The following ADGRL2 variants were observed in gnomAD, a reference collection of about 807,000 sequenced individuals.
ADGRL2 encodes the protein calcium-independent alpha-latrotoxin receptor 2.
In ADGRL2, 44 loss-of-function variants were observed where a neutral mutation model predicts 157.4. That is an observed-to-expected ratio of 0.28 (90% CI 0.22 to 0.36). The LOEUF (loss-of-function observed/expected upper bound fraction) is 0.36. Ranked by LOEUF, ADGRL2 falls within the 10% of genes least tolerant of loss-of-function variation. The pLI is 1.00. For synonymous variants in ADGRL2, 585 were observed against 624.7 expected (o/e 0.94, Z 0.95); for missense variants, 1,510 against 1,768.9 (o/e 0.85, Z 2.63).
intron 1 of ADGRL2, among the ~76,000 whole-genome samples, chr1:81,346,139 G>A (rs1285431880): frequency 6.6e-6 from 1 of 152,152 alleles, no homozygotes; most frequent in Non-Finnish European, 1.5e-5. Flanking sequence ...TATTTGGGGA[G>A]TGGAGGATGA....
chr1:81,950,813 C>A (rs1362686489), intron 7 of ADGRL2, among the ~76,000 whole-genome samples: 2 of 152,110 alleles, frequency 1.3e-5, no homozygotes, highest in Non-Finnish European at 2.9e-5. Flanking sequence ...TGTTTGTTTG[C>A]TATAAATATA....
chr1:81,632,802 G>T (rs1476927840), intron 3 of ADGRL2, among the ~76,000 whole-genome samples: 1 of 152,050 alleles, frequency 6.6e-6, no homozygotes, highest in East Asian at 1.9e-4. Context: ...GAGCAAAGGG[G>T]CTATGTTAGG....
chr1:81,633,544 C>G lies in ADGRL2; in HGVS notation c.-143+52564C>G, dbSNP rs1038309689. Among the ~76,000 whole-genome samples the G allele has an allele frequency of 1.1e-4, 15 of 136,822 alleles. No homozygotes were observed. In the Admixed American group the frequency reaches 1.1e-3, roughly 10 times the overall value. 89.8% of individuals were successfully genotyped at this position (136,822 alleles called of 152,430 possible). Reference sequence around the variant, plus strand: ...TGGGGAAGGGGAGGTTGAAGTGAGCCTAGATCACATCACTGCACTCCAGCC... The same window carrying G: ...TGGGGAAGGGGAGGTTGAAGTGAGCGTAGATCACATCACTGCACTCCAGCC... On this transcript the variant is annotated intron_variant, in intron 3 of 24. Transcript: ENST00000370721.
intron 2 of ADGRL2, among the ~76,000 whole-genome samples, chr1:81,532,751 C>T (rs1016976374): frequency 6.6e-6 from 1 of 151,568 alleles, no homozygotes; most frequent in African/African-American, 2.4e-5. Context: ...CTCACCACTA[C>T]AAAAAATAAA....
At chr1:81,526,698 AAC>A (rs1322812582) in intron 2 of ADGRL2, among the ~76,000 whole-genome samples, 8 of 152,190 alleles carry the variant, frequency 5.3e-5, no homozygotes, top group Non-Finnish European at 1.0e-4. Flanking sequence ...CTGCTTTAAA[AAC>A]AGTTTCTACT....
intron 1 of ADGRL2, among the ~76,000 whole-genome samples, chr1:81,321,507 A>AT (rs1400300337): frequency 6.6e-6 from 1 of 152,150 alleles, no homozygotes; most frequent in African/African-American, 2.4e-5. Context: ...CGTAGAGGCC[A>AT]TTGTATGGTT....
intron 3 of ADGRL2, among the ~76,000 whole-genome samples, chr1:81,641,528 T>C (rs1005266117): frequency 6.6e-6 from 1 of 152,132 alleles, no homozygotes; most frequent in African/African-American, 2.4e-5. Context: ...GAAAAATAGC[T>C]GGAAAATCCC....
intron 3 of ADGRL2, among the ~76,000 whole-genome samples, chr1:81,912,699 T>C (rs1316102085): frequency 6.6e-6 from 1 of 151,972 alleles, no homozygotes; most frequent in African/African-American, 2.4e-5. Flanking sequence ...CGTGGGAGAA[T>C]TAATGTTTTA....
intron 2 of ADGRL2, among the ~76,000 whole-genome samples, chr1:81,791,817 C>T (rs554717174): frequency 6.6e-6 from 1 of 152,084 alleles, no homozygotes; most frequent in Non-Finnish European, 1.5e-5. Context: ...CATTATTTTT[C>T]TGAGTAAAAG....
At chr1:81,933,704 A>G (rs573697441) in intron 3 of ADGRL2, among the ~76,000 whole-genome samples, 29 of 152,208 alleles carry the variant, frequency 1.9e-4, no homozygotes, top group South Asian at 1.4e-3. Context: ...GTGTTTCCCA[A>G]TGTCTTTCTT....
At chr1:81,784,680 A>G (rs1390748688) in intron 2 of ADGRL2, among the ~76,000 whole-genome samples, 2 of 149,816 alleles carry the variant, frequency 1.3e-5, no homozygotes, top group Admixed American at 1.4e-4. Flanking sequence ...GTGAGCTGAG[A>G]TCATGCCATT....
At chr1:81,914,149 A>G (rs2094800088) in intron 3 of ADGRL2, among the ~76,000 whole-genome samples, 7 of 151,978 alleles carry the variant, frequency 4.6e-5, no homozygotes, top group Admixed American at 4.6e-4. Context: ...GCTTGTGTAT[A>G]CTCTCGTTGA....
chr1:81,322,087 C>CATATATATATATATATAT (rs148181887), intron 1 of ADGRL2, among the ~76,000 whole-genome samples: 77 of 111,940 alleles, frequency 6.9e-4, no homozygotes, highest in East Asian at 1.8e-3. Context: ...AGGACTAATT[C>CATATATATATATATATAT]ATATATATAT....
Position 81,542,104 on chromosome 1 carries a change from T to C in ADGRL2, c.-247-38772T>C, listed in dbSNP as rs1413799971. Reference sequence around the variant, plus strand: ...CTTTCAGGTAAATTTTCAAATATTATTGGCATTGGAGAACTTCATGTGAAA... The same window carrying C: ...CTTTCAGGTAAATTTTCAAATATTACTGGCATTGGAGAACTTCATGTGAAA... On this transcript the variant is annotated intron_variant, in intron 2 of 24. Coordinates refer to the ADGRL2 transcript ENST00000370721. 2.0e-5 allele frequency among the ~76,000 whole-genome samples: 3 copies of C among 152,240 alleles called. No homozygotes were observed. The East Asian group carries it at 5.8e-4, about 29-fold the overall frequency.
intron 2 of ADGRL2, among the ~76,000 whole-genome samples, chr1:81,495,833 G>A (rs1280534961): frequency 6.6e-6 from 1 of 152,146 alleles, no homozygotes; most frequent in African/African-American, 2.4e-5. Context: ...CACCTGATAA[G>A]TTTGTCATTG....
intron 11 of ADGRL2, among the ~76,000 whole-genome samples, chr1:81,959,830 C>T (rs1319143127): frequency 6.6e-6 from 1 of 151,754 alleles, no homozygotes; most frequent in Non-Finnish European, 1.5e-5. Flanking sequence ...GATGGAGTTC[C>T]ACTCTTGTTG....
At chr1:81,419,283 C>T (rs2077085739) in intron 1 of ADGRL2, among the ~76,000 whole-genome samples, 1 of 152,068 alleles carries the variant, frequency 6.6e-6, no homozygotes, top group Non-Finnish European at 1.5e-5. Flanking sequence ...AGCTCACTAC[C>T]ACCACCGCCT....
intron 3 of ADGRL2, among the ~76,000 whole-genome samples, chr1:81,916,405 A>G (rs1385253310): frequency 1.3e-5 from 2 of 152,188 alleles, no homozygotes; most frequent in African/African-American, 4.8e-5. Flanking sequence ...TGTAAAAAAT[A>G]GAAATGAAAT....
chr1:81,441,136 T>C (rs1166595115), intron 1 of ADGRL2, among the ~76,000 whole-genome samples: 1 of 152,210 alleles, frequency 6.6e-6, no homozygotes, highest in African/African-American at 2.4e-5. Context: ...CACCTAATAG[T>C]ACTACTTAGT....
Sources: gnomAD v4.1 joint callset for allele counts (sites outside exome capture counted in the v4.1 genomes callset) on GRCh38, gnomAD v4.1.1 for gene constraint, MANE v1.5 for transcripts, NCBI Gene and HGNC (gene_info 2026-07-23, HGNC 2026-07-21) for gene names.